Variants in CAPN5 observed in about 807,000 individuals in gnomAD.
CAPN5 encodes calpain 5, also known as calpain-5.
A neutral mutation model predicts 73.0 loss-of-function variants in CAPN5; 54 were observed. The observed-to-expected ratio is 0.74, with a 90% CI of 0.59 to 0.93. The LOEUF (loss-of-function observed/expected upper bound fraction) is 0.93, where lower values mean the gene tolerates loss of function less well. Ranked by LOEUF, CAPN5 falls within the 40% of genes least tolerant of loss-of-function variation. The probability of loss-of-function intolerance (pLI) is 0.00; values close to 1 mark genes in which losing one functional copy is unlikely to be tolerated. For missense variants in CAPN5, 785 were observed against 882.9 expected (o/e 0.89, Z 1.41); for synonymous variants, 335 against 356.9 (o/e 0.94, Z 0.69).
chr11:77,120,552 G>T, intron 9 of CAPN5, 161 bp from the exon 10 acceptor site: 1 of 549,636 alleles, frequency 1.8e-6, no homozygotes, highest in Non-Finnish European at 3.2e-6. Flanking sequence ...TCAGCCCTGG[G>T]CAAACACGAA....
intron 3 of CAPN5, among the ~76,000 whole-genome samples, chr11:77,094,535 C>T (rs1950188212): frequency 6.6e-6 from 1 of 152,230 alleles, no homozygotes. Context: ...GACCCTGGCT[C>T]CCTGAAGAAT....
At chr11:77,120,552 G>C in intron 9 of CAPN5, 161 bp from the exon 10 acceptor site, 1 of 549,638 alleles carries the variant, frequency 1.8e-6, no homozygotes, top group Non-Finnish European at 3.2e-6. Context: ...TCAGCCCTGG[G>C]CAAACACGAA....
intron 1 of CAPN5, among the ~76,000 whole-genome samples, chr11:77,079,334 C>G (rs1372568520): frequency 2.0e-5 from 3 of 151,990 alleles, no homozygotes; most frequent in African/African-American, 7.2e-5. Flanking sequence ...CTTGTAGTGT[C>G]TTTATCTGGC....
chr11:77,079,007 CAT>C (rs1158785807), intron 1 of CAPN5, among the ~76,000 whole-genome samples: 10 of 152,116 alleles, frequency 6.6e-5, no homozygotes, highest in African/African-American at 2.4e-4. Flanking sequence ...GTGAGATGAT[CAT>C]ATGTTTTTTG....
rs1011292668 is a variant in CAPN5, at chr11:77,125,610, C to A, written c.*1740C>A. 2 of 133,942 alleles carry A rather than the reference C, an allele frequency of 1.5e-5. No homozygotes were observed. The highest frequency in any genetic ancestry group is 6.9e-5 in the African/African-American group (2 of 28,840). The allele number at this position is 133,942 out of a possible 1,614,324, so 8.3% of individuals were successfully genotyped here. ...TTCTCTATGTATCTCTGTATGCACA[C>A]GCACTATATATATATATATATATAT... On this transcript the variant is annotated 3_prime_UTR_variant, in exon 13 of 13. Coordinates refer to ENST00000648180, the MANE Select transcript of CAPN5 (RefSeq NM_004055.5).
At chr11:77,073,193 C>T in intron 1 of CAPN5, 1 of 1,031,942 alleles carries the variant, frequency 9.7e-7, no homozygotes, top group South Asian at 1.3e-5. Flanking sequence ...GGATGTGGTT[C>T]TTTCAGTGTT....
At position 77,084,050 on chromosome 11, in the gene CAPN5, G is replaced by A. The variant is rs557192347; in HGVS notation, c.-35-802G>A. Among the ~76,000 whole-genome samples, 4 of 152,332 alleles carry A rather than the reference G, an allele frequency of 2.6e-5. No individual in the cohort carries two copies. The East Asian group carries it at 7.7e-4, about 29-fold the overall frequency. On this transcript the variant is annotated intron_variant, in intron 1 of 12. Transcript: ENST00000648180. ...AGGGATGGGGGCGTGGATCATAAAT[G>A]GGGTGGTCACTCAGGTGCTTGGCCG...
chr11:77,099,557 G>A (rs1161040104), intron 3 of CAPN5, among the ~76,000 whole-genome samples: 3 of 151,538 alleles, frequency 2.0e-5, no homozygotes, highest in East Asian at 1.9e-4. Context: ...GCGAAACCCC[G>A]TCTCCACCAA....
intron 1 of CAPN5, 67 bp from the exon 2 acceptor site, chr11:77,084,785 C>A: frequency 7.1e-7 from 1 of 1,413,006 alleles, no homozygotes; most frequent in South Asian, 1.2e-5. Context: ...TGATGATGTC[C>A]GCTTCACAGG....
intron 1 of CAPN5, 30 bp from the exon 2 acceptor site, chr11:77,084,822 G>GAGTGAC (rs1315890332): frequency 1.5e-5 from 24 of 1,599,338 alleles, no homozygotes; most frequent in Non-Finnish European, 1.7e-5. Context: ...GGGACTCTGT[G>GAGTGAC]AGTGACCGTC....
chr11:77,103,340 G>A, intron 3 of CAPN5: 2 of 1,601,336 alleles, frequency 1.2e-6, no homozygotes, highest in South Asian at 2.2e-5. Context: ...GACAGCAGCT[G>A]CCAGCTGCTG....
At chr11:77,095,663 C>T (rs1950201357) in intron 3 of CAPN5, among the ~76,000 whole-genome samples, 1 of 152,212 alleles carries the variant, frequency 6.6e-6, no homozygotes, top group Non-Finnish European at 1.5e-5. Flanking sequence ...CCAGTCTCCC[C>T]AGGAGAGGCC....
Position 77,119,080 on chromosome 11 carries a change from G to T in CAPN5, c.1218G>T (p.Gln406His), listed in dbSNP as rs1950496847. Residue 406 changes from glutamine to histidine, a missense_variant, in exon 9 of 13, where the codon CAG becomes CAT. Physicochemically the swap from Gln to His is conservative, Grantham distance 24 (BLOSUM62 0). Coordinates refer to ENST00000648180, the MANE Select transcript of CAPN5 (RefSeq NM_004055.5). ...KPEDEVLICI[Q>H]QRPKRSTRRE... The stretch of plus-strand genomic sequence containing the variant: ...AAGATGAAGTCCTGATCTGCATCCA[G>T]CAGCGGCCAAAGCGGTCTACGCGCC... The T allele has an allele frequency of 6.2e-7, 1 of 1,613,952 alleles. No individual in the cohort carries two copies. The highest frequency in any genetic ancestry group is 1.1e-5 in the South Asian group (1 of 91,028).
intron 1 of CAPN5, among the ~76,000 whole-genome samples, chr11:77,072,235 C>G (rs782045298): frequency 2.0e-5 from 3 of 152,234 alleles, no homozygotes; most frequent in Admixed American, 6.5e-5. Flanking sequence ...TTTCCTCCCC[C>G]AAACCTTCCA....
chr11:77,102,873 G>T, intron 3 of CAPN5: 1 of 1,609,320 alleles, frequency 6.2e-7, no homozygotes, highest in Non-Finnish European at 8.5e-7. Context: ...GCCGCAGCTG[G>T]ACATGCCGCT....
In CAPN5 at chr11:77,114,272, A is replaced by AG; in HGVS notation, c.539dup (p.Asn181GlnfsTer15). On this transcript the variant is annotated frameshift_variant, in exon 5 of 13. Transcript: ENST00000648180. LOFTEE classifies it high-confidence loss of function. ...CAGGCTGTTACCAGGCCCTGGATGG[A>AG]GGCAACACAGCAGACGCACTGGTGG... is the stretch of plus-strand genomic sequence containing the variant. 3 of 1,614,142 alleles carry AG rather than the reference A, an allele frequency of 1.9e-6. No individual in the cohort carries two copies. Among genetic ancestry groups the AG allele is most frequent in the Non-Finnish European group, 2.5e-6 (3 of 1,180,008 alleles).
Position 77,115,401 on chromosome 11 carries a change from A to G in CAPN5, c.706A>G (p.Thr236Ala), listed in dbSNP as rs782023503. 1.2e-6 allele frequency: 2 copies of G among 1,600,534 alleles called. No individual in the cohort carries two copies. Among genetic ancestry groups the G allele is most frequent in the Non-Finnish European group, 1.7e-6 (2 of 1,170,328 alleles). The change falls in exon 6 of 13, where the codon ACA becomes GCA. Residue 236 changes from threonine to alanine, a missense_variant. Thr to Ala is a moderately conservative substitution (Grantham distance 58). Transcript: ENST00000648180. ...GLISASIKAVTAADMEARLAC... is the reference protein window; with the variant it reads ...GLISASIKAVAAADMEARLAC... ...CAACTGTGTCCCTCCACAGGCAGTG[A>G]CAGCAGCTGACATGGAGGCCCGCCT...
chr11:77,088,295 A>G (rs1221656533), intron 2 of CAPN5, among the ~76,000 whole-genome samples: 2 of 151,932 alleles, frequency 1.3e-5, no homozygotes, highest in Non-Finnish European at 2.9e-5. Context: ...CCATCAAGCC[A>G]TTTCCTGGAG....
intron 4 of CAPN5, 75 bp from the exon 5 acceptor site, chr11:77,114,167 A>T (rs145542664): frequency 7.0e-7 from 1 of 1,433,368 alleles, no homozygotes; most frequent in African/African-American, 1.4e-5. Context: ...AGTTTCAAAA[A>T]CCTCCCCTAT....
Sources: allele counts gnomAD v4.1 joint callset (sites outside exome capture counted in the v4.1 genomes callset), GRCh38; gene constraint gnomAD v4.1.1; transcripts MANE v1.5; gene names NCBI Gene and HGNC (gene_info 2026-07-23, HGNC 2026-07-21).